CHN1: variants seen among roughly 807,000 people sequenced by gnomAD.
The protein encoded by CHN1 is N-chimaerin.
In CHN1, 37 loss-of-function variants were observed where a neutral mutation model predicts 59.5. The ratio of observed to expected loss-of-function variants is 0.62; its 90% confidence interval spans 0.48 to 0.82. The LOEUF is 0.82. Among genes scored for constraint, CHN1 ranks in the 40% least tolerant of loss-of-function variants. The probability of loss-of-function intolerance (pLI) is 0.00; values close to 1 mark genes in which losing one functional copy is unlikely to be tolerated. For synonymous variants in CHN1, 206 were observed against 200.4 expected (o/e 1.03, Z -0.24); for missense variants, 469 against 571.0 (o/e 0.82, Z 1.82).
chr2:174,895,769 A>C (rs941486729), intron 5 of CHN1, among the ~76,000 whole-genome samples: 1 of 152,136 alleles, frequency 6.6e-6, no homozygotes, highest in Non-Finnish European at 1.5e-5. Flanking sequence ...TGAAATCTCA[A>C]TCCCTTCAGA....
intron 6 of CHN1, among the ~76,000 whole-genome samples, chr2:174,861,208 A>AT (rs1179482178): frequency 1.3e-5 from 2 of 152,164 alleles, no homozygotes; most frequent in Non-Finnish European, 2.9e-5. Context: ...GATAGTACCT[A>AT]TACTTCATGG....
Position 174,986,798 on chromosome 2 carries a change from G to A in CHN1, c.19+18096C>T, listed in dbSNP as rs959219622. Among the ~76,000 whole-genome samples the A allele has an allele frequency of 3.9e-5, 6 of 152,290 alleles. No homozygotes were observed. The East Asian group carries it at 5.8e-4, about 15-fold the overall frequency. ...GTTGCCCAGGCTGGAGTGCAATGGC[G>A]CGATCTGGGCTCAGTGCAACCTCTG... On this transcript the variant is annotated intron_variant, in intron 1 of 12. Transcript: ENST00000409900.
At chr2:174,894,136 T>C (rs1196324476) in intron 5 of CHN1, among the ~76,000 whole-genome samples, 1 of 73,874 alleles carries the variant, frequency 1.4e-5, no homozygotes, top group African/African-American at 3.2e-5. Context: ...CACAAAAAAC[T>C]TCTGCACAAT....
chr2:174,822,485 G>A (rs781065768), intron 8 of CHN1, among the ~76,000 whole-genome samples: 1 of 152,020 alleles, frequency 6.6e-6, no homozygotes, highest in Non-Finnish European at 1.5e-5. Context: ...TATGTAGATG[G>A]GCTTCACTTT....
intron 5 of CHN1, among the ~76,000 whole-genome samples, chr2:174,914,301 G>C (rs1361005685): frequency 6.6e-6 from 1 of 152,092 alleles, no homozygotes; most frequent in African/African-American, 2.4e-5. Context: ...TTTGTTTCTG[G>C]GCACTGTACT....
chr2:174,982,339 TA>T (rs1559009168), intron 1 of CHN1, among the ~76,000 whole-genome samples: 1 of 152,162 alleles, frequency 6.6e-6, no homozygotes, highest in African/African-American at 2.4e-5. Flanking sequence ...GGTCAAATGG[TA>T]TTTCTAGTTC....
intron 2 of CHN1, among the ~76,000 whole-genome samples, chr2:174,950,816 G>T (rs1251344624): frequency 2.2e-5 from 3 of 135,100 alleles, no homozygotes; most frequent in Non-Finnish European, 4.6e-5. Flanking sequence ...GTCTCGCTCT[G>T]TTGCCCAGGC....
chr2:174,978,218 T>C (rs1438099904), intron 1 of CHN1, among the ~76,000 whole-genome samples: 1 of 152,216 alleles, frequency 6.6e-6, no homozygotes, highest in Non-Finnish European at 1.5e-5. Context: ...TCTCCTTAGT[T>C]AGCGTTCTTC....
At chr2:174,826,051 C>A (rs1204239069) in intron 7 of CHN1, among the ~76,000 whole-genome samples, 2 of 152,176 alleles carry the variant, frequency 1.3e-5, no homozygotes, top group Non-Finnish European at 1.5e-5. Flanking sequence ...TGGGTTCATT[C>A]AAAGCAGGTA....
chr2:174,816,138 C>CA (rs11446052), intron 8 of CHN1, among the ~76,000 whole-genome samples: 56,924 of 151,988 alleles, frequency 0.37, 12,260 homozygotes, highest in Admixed American at 0.55. Context: ...TCACCAGTCT[C>CA]AGCTGCCTCA....
intron 11 of CHN1, among the ~76,000 whole-genome samples, chr2:174,804,807 G>A (rs1252221382): frequency 6.6e-6 from 1 of 152,200 alleles, no homozygotes; most frequent in African/African-American, 2.4e-5. Flanking sequence ...ATGCCTGTCA[G>A]GCATTCAAAT....
intron 3 of CHN1, among the ~76,000 whole-genome samples, chr2:174,937,701 C>G (rs1162051729): frequency 6.6e-6 from 1 of 151,882 alleles, no homozygotes; most frequent in Non-Finnish European, 1.5e-5. Flanking sequence ...ATGAATATCT[C>G]GGTGCCCTTC....
intron 8 of CHN1, among the ~76,000 whole-genome samples, chr2:174,813,368 A>T (rs969329797): frequency 6.6e-6 from 1 of 152,194 alleles, no homozygotes; most frequent in Non-Finnish European, 1.5e-5. Context: ...CCCTGGGTGT[A>T]TCACCCTCTA....
chr2:174,818,019 T>C (rs916708134), intron 8 of CHN1, among the ~76,000 whole-genome samples: 2 of 152,046 alleles, frequency 1.3e-5, no homozygotes, highest in African/African-American at 4.8e-5. Flanking sequence ...ATGGTCCACC[T>C]GTCTTGGCCT....
At chr2:174,982,999 G>T (rs556416426) in intron 1 of CHN1, among the ~76,000 whole-genome samples, 2 of 151,874 alleles carry the variant, frequency 1.3e-5, no homozygotes, top group East Asian at 1.9e-4. Flanking sequence ...AGAGAAAAAA[G>T]AAGACATTAA....
chr2:174,812,531 T>C, intron 8 of CHN1, 49 bp from the exon 9 acceptor site: 4 of 1,595,212 alleles, frequency 2.5e-6, no homozygotes, highest in Non-Finnish European at 2.6e-6. Flanking sequence ...TTTCAGAGTT[T>C]TGAGCATTCT....
chr2:174,816,593 GATA>G (rs1415844627), intron 8 of CHN1, among the ~76,000 whole-genome samples: 1 of 152,118 alleles, frequency 6.6e-6, no homozygotes. Flanking sequence ...CCCAGGCTGG[GATA>G]ATATTGGAGG....
chr2:174,821,762 A>T (rs577731045), intron 8 of CHN1: 125 of 459,428 alleles, frequency 2.7e-4, no homozygotes, highest in Non-Finnish European at 4.7e-4. Flanking sequence ...TTGATCTTGG[A>T]CTTCCTGGCC....
chr2:174,939,995 T>G (rs1689608366), intron 3 of CHN1, among the ~76,000 whole-genome samples: 1 of 152,126 alleles, frequency 6.6e-6, no homozygotes, highest in Non-Finnish European at 1.5e-5. Context: ...AACATTTTTA[T>G]CAATAGAGAA....
Sources: allele counts gnomAD v4.1 joint callset (sites outside exome capture counted in the v4.1 genomes callset), GRCh38; gene constraint gnomAD v4.1.1; transcripts MANE v1.5; gene names NCBI Gene and HGNC (gene_info 2026-07-23, HGNC 2026-07-21).